The following VAV2 variants were observed in gnomAD, a reference collection of about 807,000 sequenced individuals.
VAV2 encodes vav guanine nucleotide exchange factor 2, also known as guanine nucleotide exchange factor VAV2.
VAV2 carries 67 observed loss-of-function variants against 132.5 expected under a neutral mutation model. The observed-to-expected ratio is 0.51, with a 90% CI of 0.42 to 0.62. The LOEUF is 0.62. Ranked by LOEUF, VAV2 falls within the 20% of genes least tolerant of loss-of-function variation. The probability of loss-of-function intolerance (pLI) is 0.00; values close to 1 mark genes in which losing one functional copy is unlikely to be tolerated. For synonymous variants in VAV2, 492 were observed against 443.5 expected, an observed-to-expected ratio of 1.11 and a Z score of -1.37; for missense variants, 938 against 1,153.6, an observed-to-expected ratio of 0.81 and a Z score of 2.71.
At chr9:133,920,630 C>A (rs1840263928) in intron 2 of VAV2, among the ~76,000 whole-genome samples, 1 of 152,166 alleles carries the variant, frequency 6.6e-6, no homozygotes, top group African/African-American at 2.4e-5. Flanking sequence ...CCCCACAGAC[C>A]CATCCAGGAC....
At chr9:133,814,959 C>T (rs936355498) in intron 4 of VAV2, among the ~76,000 whole-genome samples, 1 of 152,140 alleles carries the variant, frequency 6.6e-6, no homozygotes, top group East Asian at 1.9e-4. Flanking sequence ...GAGGACTCTA[C>T]GACGTGCCCG....
intron 2 of VAV2, among the ~76,000 whole-genome samples, chr9:133,899,339 T>G (rs1331636049): frequency 6.6e-6 from 1 of 150,756 alleles, no homozygotes. Flanking sequence ...AGTGGATCAC[T>G]CGAGCCCAGG....
intron 1 of VAV2, among the ~76,000 whole-genome samples, chr9:133,944,419 T>C (rs1171710737): frequency 1.3e-5 from 2 of 152,198 alleles, no homozygotes; most frequent in Non-Finnish European, 2.9e-5. Context: ...CCAGCAGGCC[T>C]CAGCTGGGGA....
At position 133,774,503 on chromosome 9, in the gene VAV2, C is replaced by T. The variant is rs138582248; in HGVS notation, c.2135+432G>A. On this transcript the variant is annotated intron_variant, in intron 25 of 29. Coordinates refer to ENST00000371850, the MANE Select transcript of VAV2 (RefSeq NM_001134398.2). ...GAGGATGCCCAGACTGTGCCAAAGC[C>T]GCAAGGCAGCAGTAGTCACAGGAGA... 9.8e-4 allele frequency among the ~76,000 whole-genome samples: 149 copies of T among 152,294 alleles called. 1 individual carries two copies. The East Asian group carries it at 0.021, about 21-fold the overall frequency.
intron 1 of VAV2, among the ~76,000 whole-genome samples, chr9:133,990,471 G>A (rs1055838248): frequency 2.6e-5 from 4 of 152,090 alleles, no homozygotes; most frequent in Admixed American, 6.5e-5. Flanking sequence ...GGCAGCCCCC[G>A]GACCCAGCGA....
rs1203186084 is a variant in VAV2, at chr9:133,763,831, A to G, written c.*231T>C. 2 of 552,462 alleles carry G rather than the reference A, an allele frequency of 3.6e-6. No individual in the cohort carries two copies. Among genetic ancestry groups the G allele is most frequent in the South Asian group, 2.1e-5 (1 of 48,422 alleles). The allele number at this position is 552,462 out of a possible 1,614,324, so 34.2% of individuals were successfully genotyped here. A position where few individuals can be genotyped will look rare whatever the true frequency, so the allele number is the denominator to read the frequency against. On this transcript the variant is annotated 3_prime_UTR_variant, in exon 30 of 30. Transcript: ENST00000371850. This position sits in a 1 kb window ranked among gnomAD's most constrained non-coding sequence, Gnocchi z 6.8. Reference sequence around the variant, plus strand: ...CCTCCTCTGCGCTCTGGGTGGGGCTAGCCCAGGTTTCCTCTATGTACAATA... The same window carrying G: ...CCTCCTCTGCGCTCTGGGTGGGGCTGGCCCAGGTTTCCTCTATGTACAATA...
chr9:133,826,530 T>C lies in VAV2; in HGVS notation c.449+7742A>G, dbSNP rs1835994138. 6.6e-6 allele frequency among the ~76,000 whole-genome samples: 1 copy of C among 152,004 alleles called. No homozygotes were observed. Among genetic ancestry groups the C allele is most frequent in the Non-Finnish European group, 1.5e-5 (1 of 67,958 alleles). On this transcript the variant is annotated intron_variant, in intron 4 of 29. Transcript: ENST00000371850. This position sits in a 1 kb window ranked among gnomAD's most constrained non-coding sequence, Gnocchi z 4.2. ...TGCCTTCCCACAGCAGCCTGTGAGG[T>C]TGCAGGACCCTGCTCTGCAGACAAG...
rs563025603 is a variant in VAV2 at position 133,839,218 on chromosome 9, G to A, written c.381-4878C>T. 2.1e-4 allele frequency among the ~76,000 whole-genome samples: 32 copies of A among 152,094 alleles called. 1 individual carries two copies. The highest frequency in any genetic ancestry group is 4.2e-4 in the South Asian group (2 of 4,798). ...TGGAAGGATAGATAAATGGGTTGTC[G>A]GGTGGCTGGATTCATGGGTGCATGG... On this transcript the variant is annotated intron_variant, in intron 3 of 29. Coordinates refer to ENST00000371850, the MANE Select transcript of VAV2 (RefSeq NM_001134398.2).
At chr9:133,867,238 G>A (rs1369896861) in intron 2 of VAV2, among the ~76,000 whole-genome samples, 4 of 152,204 alleles carry the variant, frequency 2.6e-5, no homozygotes, top group Non-Finnish European at 5.9e-5. Flanking sequence ...CAGCATCAAG[G>A]CTCAACACCC....
At chr9:133,845,392 C>T (rs12000549) in intron 3 of VAV2, among the ~76,000 whole-genome samples, 16,712 of 152,190 alleles carry the variant, frequency 0.11, 980 homozygotes, top group South Asian at 0.15. Context: ...GATCCCTACT[C>T]GGAGAGCTGG....
chr9:133,903,939 A>T (rs563100817), intron 2 of VAV2, among the ~76,000 whole-genome samples: 1 of 152,352 alleles, frequency 6.6e-6, no homozygotes, highest in East Asian at 1.9e-4. Context: ...TGTTATTTTC[A>T]TGTTTTTAAA....
rs189131202 is a variant in VAV2, at chr9:133,918,817, C to A, written c.321+20286G>T. 6.6e-6 allele frequency among the ~76,000 whole-genome samples: 1 copy of A among 152,092 alleles called. No homozygotes were observed. Among genetic ancestry groups the A allele is most frequent in the East Asian group, 1.9e-4 (1 of 5,164 alleles). On this transcript the variant is annotated intron_variant, in intron 2 of 29. Coordinates refer to ENST00000371850, the MANE Select transcript of VAV2 (RefSeq NM_001134398.2). The surrounding 1 kb of genome is among the most constrained non-coding windows in gnomAD (Gnocchi z 4.7). ...TTGAGACAGAGTCTTGTTCTGTCGCCCAGGCTGAAGTGCAGTGGTGCGATC... is the reference window on the plus strand; with the variant it reads ...TTGAGACAGAGTCTTGTTCTGTCGCACAGGCTGAAGTGCAGTGGTGCGATC...
rs1472690865 is a variant in VAV2, at chr9:133,885,225, C to T, written c.322-23793G>A. Among the ~76,000 whole-genome samples the T allele has an allele frequency of 6.6e-6, 1 of 152,194 alleles. No individual in the cohort carries two copies. Among genetic ancestry groups the T allele is most frequent in the South Asian group, 2.1e-4 (1 of 4,832 alleles). On this transcript the variant is annotated intron_variant, in intron 2 of 29. Coordinates refer to ENST00000371850, the MANE Select transcript of VAV2 (RefSeq NM_001134398.2). The surrounding 1 kb of genome is among the most constrained non-coding windows in gnomAD (Gnocchi z 5.0). ...ACTTCTGAGCCCACTCAACCAAGGG[C>T]GGCCCAGGGAAGGGCATGTATGCAG...
intron 11 of VAV2, 82 bp from the exon 12 acceptor site, chr9:133,795,818 T>C: frequency 1.3e-6 from 2 of 1,492,468 alleles, no homozygotes; most frequent in Non-Finnish European, 1.8e-6. Context: ...GCAGGAGGTG[T>C]GCACAGAACC....
chr9:133,904,073 A>T (rs1839545534), intron 2 of VAV2, among the ~76,000 whole-genome samples: 1 of 152,244 alleles, frequency 6.6e-6, no homozygotes, highest in African/African-American at 2.4e-5. Context: ...AAGGGGTGGA[A>T]CCAGCTTGTA....
rs147686903 is a variant in VAV2 at position 133,964,219 on chromosome 9, G to A, written c.205-25000C>T. On this transcript the variant is annotated intron_variant, in intron 1 of 29. Transcript: ENST00000371850. ...CAAAACATACAAAAATTGGCCAGGC[G>A]CAGTGGCACACGCCTGTAGTCCCAG... is the stretch of plus-strand genomic sequence containing the variant. Among the ~76,000 whole-genome samples the A allele has an allele frequency of 3.6e-3, 546 of 150,650 alleles. 6 individuals are homozygous for A. Among genetic ancestry groups the A allele is most frequent in the African/African-American group, 0.012 (509 of 41,104 alleles).
intron 2 of VAV2, among the ~76,000 whole-genome samples, chr9:133,869,939 T>C (rs909995378): frequency 2.0e-5 from 3 of 152,234 alleles, no homozygotes; most frequent in East Asian, 1.9e-4. Context: ...ACAGCTACTA[T>C]TGCTGCATAT....
rs777399618 is a variant in VAV2, at chr9:133,992,137, G to A, written c.142C>T (p.His48Tyr). Residue 48 changes from histidine to tyrosine, a missense_variant, in exon 1 of 30, where the codon CAC becomes TAC. Coordinates refer to ENST00000371850, the MANE Select transcript of VAV2 (RefSeq NM_001134398.2). This position sits in a 1 kb window ranked among gnomAD's most constrained non-coding sequence, Gnocchi z 5.5. ...TCGATGGAGCCGGGGGAGAGGTTGT[G>A]CAGCAGCTGGCACAGAAGGACCCCG... ...RDGVLLCQLL[H>Y]NLSPGSIDLK... is the part of the protein sequence containing the mutation. The A allele has an allele frequency of 1.9e-6, 3 of 1,594,702 alleles. No individual in the cohort carries two copies. The highest frequency in any genetic ancestry group is 2.6e-6 in the Non-Finnish European group (3 of 1,171,290).
Position 133,768,572 on chromosome 9 carries a change from G to A in VAV2, c.2459C>T (p.Thr820Ile). Residue 820 changes from threonine to isoleucine, a missense_variant, in exon 29 of 30, where the codon ACA (threonine) becomes ATA (isoleucine). By Grantham distance (89) the Thr-to-Ile change is moderately conservative. Transcript: ENST00000371850. The surrounding 1 kb of genome is among the most constrained non-coding windows in gnomAD (Gnocchi z 5.3). Reference protein sequence around the residue: ...WSVFTPRVIGTAVARYNFAAR... With the variant: ...WSVFTPRVIGIAVARYNFAAR... ...GGCAAAGTTATACCTGGCCACAGCTGTGCCGATGACGCGGGGCGTGAACAC... is the reference window on the plus strand; with the variant it reads ...GGCAAAGTTATACCTGGCCACAGCTATGCCGATGACGCGGGGCGTGAACAC... The A allele has an allele frequency of 1.2e-6, 2 of 1,614,050 alleles. No homozygotes were observed. Among genetic ancestry groups the A allele is most frequent in the South Asian group, 2.2e-5 (2 of 91,084 alleles).
Sources: gnomAD v4.1 joint callset for allele counts (sites outside exome capture counted in the v4.1 genomes callset) on GRCh38, gnomAD v4.1.1 for gene constraint, Gnocchi (gnomAD v3.1) non-coding constraint, MANE v1.5 for transcripts, NCBI Gene and HGNC (gene_info 2026-07-23, HGNC 2026-07-21) for gene names.